The following ASTN2 variants were observed in gnomAD, a reference collection of about 807,000 sequenced individuals.
ASTN2 encodes the protein astrotactin 2, also known as astrotactin-2.
ASTN2 carries 54 observed loss-of-function variants against 139.8 expected under a neutral mutation model. The observed-to-expected ratio is 0.39, with a 90% CI of 0.31 to 0.48. The LOEUF (loss-of-function observed/expected upper bound fraction) is 0.48, where lower values mean the gene tolerates loss of function less well. Ranked by LOEUF, ASTN2 falls within the 20% of genes least tolerant of loss-of-function variation. ASTN2 has a pLI of 0.95. For synonymous variants in ASTN2, 756 were observed against 719.5 expected (o/e 1.05, Z -0.81); for missense variants, 1,565 against 1,725.1 (o/e 0.91, Z 1.64).
rs189279867 is a variant in ASTN2 at position 116,457,832 on chromosome 9, C to T, written c.3498-15279G>A. ...CTAAAGCTAGAACTACCATATGATC[C>T]GGCTATCCAAGGAAAGGTATACACC... On this transcript the variant is annotated intron_variant, in intron 20 of 22. Coordinates refer to ENST00000313400, the MANE Select transcript of ASTN2 (RefSeq NM_001365068.1). Among the ~76,000 whole-genome samples the T allele has an allele frequency of 9.9e-5, 15 of 152,024 alleles. No homozygotes were observed. The East Asian group carries it at 1.4e-3, about 14-fold the overall frequency.
chr9:117,038,336 G>A (rs756448499), intron 6 of ASTN2, among the ~76,000 whole-genome samples: 1 of 152,070 alleles, frequency 6.6e-6, no homozygotes, highest in Admixed American at 6.6e-5. Flanking sequence ...AGAATTAATG[G>A]TACTAATATG....
At chr9:116,535,094 T>C (rs1387551225) in intron 19 of ASTN2, among the ~76,000 whole-genome samples, 1 of 152,248 alleles carries the variant, frequency 6.6e-6, no homozygotes, top group Non-Finnish European at 1.5e-5. Context: ...CTTGTTGAAT[T>C]GGTCCCTTTA....
chr9:117,387,457 G>A (rs1390898509), intron 1 of ASTN2, among the ~76,000 whole-genome samples: 1 of 152,144 alleles, frequency 6.6e-6, no homozygotes, highest in Non-Finnish European at 1.5e-5. Flanking sequence ...AGGCTTCTCT[G>A]AGAGAGTGAC....
intron 10 of ASTN2, among the ~76,000 whole-genome samples, chr9:116,939,844 C>T (rs1835177794): frequency 6.6e-6 from 1 of 152,138 alleles, no homozygotes; most frequent in Admixed American, 6.5e-5. Flanking sequence ...TTTCCGTCAA[C>T]CATGGACAAA....
intron 1 of ASTN2, among the ~76,000 whole-genome samples, chr9:117,322,743 T>A (rs1587946314): frequency 6.6e-6 from 1 of 152,076 alleles, no homozygotes; most frequent in Admixed American, 6.6e-5. Flanking sequence ...GGCAGGCAGG[T>A]TGGTATGAGC....
At chr9:117,060,869 T>G (rs1485097667) in intron 5 of ASTN2, among the ~76,000 whole-genome samples, 1 of 151,502 alleles carries the variant, frequency 6.6e-6, no homozygotes, top group Admixed American at 6.6e-5. Context: ...CACTCCAGAC[T>G]GGGTGACAGA....
intron 2 of ASTN2, among the ~76,000 whole-genome samples, chr9:117,239,966 A>C (rs1833158064): frequency 6.6e-6 from 1 of 152,244 alleles, no homozygotes; most frequent in African/African-American, 2.4e-5. Flanking sequence ...TCCTTGACCT[A>C]CAATGGGTGT....
chr9:116,446,135 G>T (rs886444980), intron 20 of ASTN2, among the ~76,000 whole-genome samples: 1 of 151,854 alleles, frequency 6.6e-6, no homozygotes, highest in African/African-American at 2.4e-5. Flanking sequence ...GAGAAGTTGG[G>T]GGGGGACAGA....
intron 19 of ASTN2, among the ~76,000 whole-genome samples, chr9:116,527,001 G>T (rs1162061989): frequency 1.3e-5 from 2 of 152,128 alleles, no homozygotes; most frequent in Non-Finnish European, 2.9e-5. Context: ...ACATTCAGAA[G>T]AATAAAATTG....
At chr9:116,819,222 C>T (rs1052590711) in intron 12 of ASTN2, among the ~76,000 whole-genome samples, 1 of 152,124 alleles carries the variant, frequency 6.6e-6, no homozygotes, top group Non-Finnish European at 1.5e-5. Context: ...CCCCACCCCA[C>T]CCCAAACACA....
rs758212400 is a variant in ASTN2, at chr9:116,618,277, C to T, written c.3355+47G>A. 7 of 1,559,400 alleles carry T rather than the reference C, an allele frequency of 4.5e-6. No homozygotes were observed. In the Admixed American group the frequency reaches 1.1e-4, roughly 25 times the overall value. ...AAAGACAGTAGAAAATCCCAGTTTC[C>T]CTCTTCTGTCATACTATCCCAAGAA... On this transcript the variant is annotated intron_variant, in intron 19 of 22. Coordinates refer to ENST00000313400, the MANE Select transcript of ASTN2 (RefSeq NM_001365068.1).
chr9:117,145,078 T>A (rs1830165109), intron 3 of ASTN2, among the ~76,000 whole-genome samples: 1 of 152,024 alleles, frequency 6.6e-6, no homozygotes, highest in Non-Finnish European at 1.5e-5. Context: ...GTGTGCAGAG[T>A]ATTTTATCAC....
chr9:117,262,169 A>AT (rs1213847064), intron 2 of ASTN2, among the ~76,000 whole-genome samples: 1 of 151,904 alleles, frequency 6.6e-6, no homozygotes, highest in Admixed American at 6.6e-5. Flanking sequence ...GGGATCATCA[A>AT]TTTTTTTTGG....
intron 1 of ASTN2, among the ~76,000 whole-genome samples, chr9:117,370,317 A>T (rs1313863540): frequency 6.6e-6 from 1 of 152,208 alleles, no homozygotes; most frequent in Non-Finnish European, 1.5e-5. Context: ...TGCACAGTCA[A>T]TGGAAAACAA....
chr9:116,801,943 C>T (rs1830870616), intron 13 of ASTN2, among the ~76,000 whole-genome samples: 1 of 152,106 alleles, frequency 6.6e-6, no homozygotes, highest in African/African-American at 2.4e-5. Flanking sequence ...TGTTCAGAGG[C>T]AATCCAGGGT....
chr9:116,904,847 AGTGG>A (rs1282790952), intron 10 of ASTN2, among the ~76,000 whole-genome samples: 1 of 152,208 alleles, frequency 6.6e-6, no homozygotes, highest in African/African-American at 2.4e-5. Flanking sequence ...TGGAGTGTAC[AGTGG>A]CTGTGCACTC....
intron 5 of ASTN2, among the ~76,000 whole-genome samples, chr9:117,045,931 G>A (rs1260018357): frequency 6.6e-6 from 1 of 151,908 alleles, no homozygotes; most frequent in African/African-American, 2.4e-5. Flanking sequence ...AGGCCACTTA[G>A]GATGGGGAAA....
rs140967212 is a variant in ASTN2, at chr9:117,036,452, C to G, written c.1423+3367G>C. The stretch of plus-strand genomic sequence containing the variant: ...CCTCCTGACTGGGGAGAACCCTCCC[C>G]TCCAAGGATAGTCATATCTTACAGA... On this transcript the variant is annotated intron_variant, in intron 6 of 22. Coordinates refer to ENST00000313400, the MANE Select transcript of ASTN2 (RefSeq NM_001365068.1). 1.9e-3 allele frequency among the ~76,000 whole-genome samples: 289 copies of G among 152,310 alleles called. 1 individual carries two copies. Among genetic ancestry groups the G allele is most frequent in the African/African-American group, 6.5e-3 (272 of 41,572 alleles).
intron 12 of ASTN2, among the ~76,000 whole-genome samples, chr9:116,818,983 A>C (rs994340674): frequency 2.6e-5 from 4 of 152,198 alleles, no homozygotes; most frequent in African/African-American, 9.7e-5. Flanking sequence ...CATTATATTA[A>C]GGTAGGTATT....
Sources: gnomAD v4.1 joint callset for allele counts (sites outside exome capture counted in the v4.1 genomes callset) on GRCh38, gnomAD v4.1.1 for gene constraint, MANE v1.5 for transcripts, NCBI Gene and HGNC (gene_info 2026-07-23, HGNC 2026-07-21) for gene names.